RAI1: variants seen among roughly 807,000 people sequenced by gnomAD.
RAI1 encodes the protein retinoic acid-induced protein 1.
Under a neutral mutation model 123.8 loss-of-function variants are expected in RAI1, and 9 were observed. That is an observed-to-expected ratio of 0.07 (90% CI 0.04 to 0.13). The LOEUF is 0.13. Ranked by LOEUF, RAI1 falls within the 10% of genes least tolerant of loss-of-function variation. RAI1 has a pLI of 1.00. For missense variants in RAI1, 2,256 were observed against 2,545.8 expected (o/e 0.89, Z 2.45); for synonymous variants, 1,231 against 1,127.3 (o/e 1.09, Z -1.84).
At chr17:17,767,807 T>G (rs2030998605) in intron 2 of RAI1, among the ~76,000 whole-genome samples, 1 of 152,232 alleles carries the variant, frequency 6.6e-6, no homozygotes, top group African/African-American at 2.4e-5. Flanking sequence ...TATTCCAGCC[T>G]TGCTACTCAC....
At chr17:17,803,904 G>T in intron 4 of RAI1, 55 bp downstream of exon 4, 1 of 1,542,460 alleles carries the variant, frequency 6.5e-7, no homozygotes, top group South Asian at 1.1e-5. Flanking sequence ...GCAGTCCAGG[G>T]GGACCCTCCC....
intron 2 of RAI1, among the ~76,000 whole-genome samples, chr17:17,764,576 A>G (rs1490504243): frequency 1.3e-5 from 2 of 150,856 alleles, no homozygotes; most frequent in African/African-American, 4.9e-5. Flanking sequence ...GAGTTCAAGC[A>G]ATTCTCGTGC....
intron 1 of RAI1, among the ~76,000 whole-genome samples, chr17:17,696,865 T>G (rs1915054999): frequency 6.6e-6 from 1 of 152,244 alleles, no homozygotes; most frequent in Non-Finnish European, 1.5e-5. Context: ...GGGCCTCCTT[T>G]GCCTGGGCAC....
At chr17:17,689,909 G>A (rs1053668485) in intron 1 of RAI1, among the ~76,000 whole-genome samples, 18 of 152,234 alleles carry the variant, frequency 1.2e-4, no homozygotes, top group African/African-American at 4.1e-4. Context: ...TCTCAGTGAC[G>A]GTTGGCATCC....
chr17:17,716,414 A>C (rs1228652399), intron 1 of RAI1, among the ~76,000 whole-genome samples: 1 of 152,236 alleles, frequency 6.6e-6, no homozygotes, highest in Non-Finnish European at 1.5e-5. Context: ...ATGTGTATAC[A>C]TCTCTGCATG....
intron 1 of RAI1, among the ~76,000 whole-genome samples, chr17:17,691,947 A>G (rs1260877364): frequency 1.3e-5 from 2 of 152,166 alleles, no homozygotes; most frequent in Non-Finnish European, 1.5e-5. Context: ...TCAAACACAG[A>G]TAGGGGTGAG....
At chr17:17,737,854 C>G (rs542135211) in intron 2 of RAI1, among the ~76,000 whole-genome samples, 17 of 152,236 alleles carry the variant, frequency 1.1e-4, no homozygotes, top group Admixed American at 2.0e-4. Flanking sequence ...CTTGAGCAGG[C>G]CTGGAGCCCC....
intron 1 of RAI1, among the ~76,000 whole-genome samples, chr17:17,703,859 C>T (rs1309431966): frequency 1.3e-5 from 2 of 152,210 alleles, no homozygotes; most frequent in Non-Finnish European, 2.9e-5. Context: ...TTCCACTCTG[C>T]CCAGAACCTT....
chr17:17,751,555 G>A (rs1397659469), intron 2 of RAI1, among the ~76,000 whole-genome samples: 1 of 152,228 alleles, frequency 6.6e-6, no homozygotes, highest in Non-Finnish European at 1.5e-5. Context: ...GAGAGCGACT[G>A]GACTGAGCAC....
Position 17,794,795 on chromosome 17 carries a change from A to G in RAI1, c.1847A>G (p.Glu616Gly), listed in dbSNP as rs2032167186. 1 of 1,612,878 alleles carries G rather than the reference A, an allele frequency of 6.2e-7. No homozygotes were observed. Among genetic ancestry groups the G allele is most frequent in the African/African-American group, 1.3e-5 (1 of 74,872 alleles). The part of the protein sequence containing the change: ...DLASEILGLQ[E>G]AIGEKADKAW... ...GCCTCCGAGATCCTGGGGCTGCAGGAAGCCATCGGTGAGAAGGCCGACAAA... is the reference window on the plus strand; with the variant it reads ...GCCTCCGAGATCCTGGGGCTGCAGGGAGCCATCGGTGAGAAGGCCGACAAA... Residue 616 changes from glutamate (E) to glycine (G), a missense_variant, in exon 3 of 6, where the codon GAA (glutamate) becomes GGA (glycine). Physicochemically the swap from Glu to Gly is moderately conservative, Grantham distance 98. Coordinates refer to ENST00000353383, the MANE Select transcript of RAI1 (RefSeq NM_030665.4).
intron 2 of RAI1, chr17:17,779,113 TTGTCCATTCAGACACAAGACAA>T: frequency 2.8e-6 from 1 of 351,852 alleles, no homozygotes; most frequent in Non-Finnish European, 5.7e-6. Context: ...AATCAGCCAG[TTGTCCATTCAGACACAAGACAA>T]GGCATCAGCC....
Position 17,685,876 on chromosome 17 carries a change from C to T in RAI1, c.-149+4083C>T, listed in dbSNP as rs1914609190. 6.6e-6 allele frequency among the ~76,000 whole-genome samples: 1 copy of T among 152,204 alleles called. No individual in the cohort carries two copies. The highest frequency in any genetic ancestry group is 6.5e-5 in the Admixed American group (1 of 15,290). On this transcript the variant is annotated intron_variant, in intron 1 of 5. Coordinates refer to ENST00000353383, the MANE Select transcript of RAI1 (RefSeq NM_030665.4). The surrounding 1 kb of genome is among the most constrained non-coding windows in gnomAD (Gnocchi z 4.0). ...AAGGTGCAGCCATGTGCATCCTTGC[C>T]TCTGTGCATCGGGCTGGGCTGTTCC...
At chr17:17,686,585 G>T (rs1914643049) in intron 1 of RAI1, among the ~76,000 whole-genome samples, 1 of 145,532 alleles carries the variant, frequency 6.9e-6, no homozygotes, top group South Asian at 2.2e-4. Context: ...GTGTGTGTGT[G>T]TGTGTGTGTG....
At chr17:17,692,888 C>T (rs776183718) in intron 1 of RAI1, among the ~76,000 whole-genome samples, 2 of 152,096 alleles carry the variant, frequency 1.3e-5, no homozygotes, top group African/African-American at 4.8e-5. Context: ...ATAAAAGAGT[C>T]CTAGGTAGAG....
chr17:17,733,520 A>C (rs972460719), intron 2 of RAI1, among the ~76,000 whole-genome samples: 1 of 152,206 alleles, frequency 6.6e-6, no homozygotes, highest in East Asian at 1.9e-4. Flanking sequence ...CATCCCTGAT[A>C]GAGCACCATT....
chr17:17,784,953 C>T (rs1052045715), intron 2 of RAI1, among the ~76,000 whole-genome samples: 4 of 152,136 alleles, frequency 2.6e-5, no homozygotes, highest in Non-Finnish European at 5.9e-5. Context: ...CTTCATCCTT[C>T]CCCACATAGT....
intron 1 of RAI1, among the ~76,000 whole-genome samples, chr17:17,691,710 G>A (rs1914843511): frequency 6.6e-6 from 1 of 152,136 alleles, no homozygotes; most frequent in Admixed American, 6.5e-5. Context: ...TGGGGAGAAG[G>A]CAAAAGAGAG....
rs1382789630 is a variant in RAI1 at position 17,810,805 on chromosome 17, T to C, written c.*824T>C. ...GAAGCGGCCAGAACGCACCTCCGGC[T>C]CCGGCGGACGCGCGACCGTTGTGCA... On this transcript the variant is annotated 3_prime_UTR_variant, in exon 6 of 6. Transcript: ENST00000353383. This position sits in a 1 kb window ranked among gnomAD's most constrained non-coding sequence, Gnocchi z 4.6. 2.2e-6 allele frequency: 1 copy of C among 454,866 alleles called. No homozygotes were observed. The highest frequency in any genetic ancestry group is 7.0e-5 in the East Asian group (1 of 14,304). The allele number at this position is 454,866 out of a possible 1,614,324, so 28.2% of individuals were successfully genotyped here. A position where few individuals can be genotyped will look rare whatever the true frequency, so the allele number is the denominator to read the frequency against.
In RAI1 at chr17:17,794,684, T is replaced by G; in HGVS notation, c.1736T>G (p.Leu579Arg). Residue 579 changes from leucine to arginine, a missense_variant, in exon 3 of 6, where the codon CTG becomes CGG. Transcript: ENST00000353383. ...DDSFQSLHGS[L>R]PLDSFSKFVA... is the part of the protein sequence containing the mutation. ...TCCTTCCAGAGCCTACACGGCAGTC[T>G]GCCGCTCGACAGCTTCTCCAAGTTC... The G allele has an allele frequency of 6.2e-7, 1 of 1,612,902 alleles. No individual in the cohort carries two copies.
Sources: allele counts gnomAD v4.1 joint callset (sites outside exome capture counted in the v4.1 genomes callset), GRCh38; gene constraint gnomAD v4.1.1; non-coding constraint Gnocchi (gnomAD v3.1); transcripts MANE v1.5; gene names NCBI Gene and HGNC (gene_info 2026-07-23, HGNC 2026-07-21).